The following BMP2K variants were observed in gnomAD, a reference collection of about 807,000 sequenced individuals.
The protein encoded by BMP2K is BMP2 inducible kinase.
Under a neutral mutation model 116.0 loss-of-function variants are expected in BMP2K, and 74 were observed. The ratio of observed to expected loss-of-function variants is 0.64; its 90% CI spans 0.53 to 0.77. BMP2K has a LOEUF of 0.77. Among genes scored for constraint, BMP2K ranks in the 30% least tolerant of loss-of-function variants. BMP2K has a pLI of 0.00. For synonymous variants in BMP2K, 486 were observed against 502.5 expected, an observed-to-expected ratio of 0.97 and a Z score of 0.44; for missense variants, 1,365 against 1,403.6, an observed-to-expected ratio of 0.97 and a Z score of 0.44.
chr4:78,805,633 T>G (rs2109962964), intron 1 of BMP2K, among the ~76,000 whole-genome samples: 1 of 152,300 alleles, frequency 6.6e-6, no homozygotes, highest in South Asian at 2.1e-4. Flanking sequence ...ATAGAAGTGT[T>G]TTCTTAATTT....
chr4:78,859,806 C>A, intron 8 of BMP2K, 119 bp downstream of exon 8: 1 of 672,432 alleles, frequency 1.5e-6, no homozygotes, highest in Non-Finnish European at 2.5e-6. Flanking sequence ...TTTCTTGTTT[C>A]ATGACAAGTG....
chr4:78,830,863 G>A (rs921475055), intron 2 of BMP2K, among the ~76,000 whole-genome samples: 11 of 152,180 alleles, frequency 7.2e-5, no homozygotes, highest in African/African-American at 2.7e-4. Flanking sequence ...TGTCTAGACC[G>A]TTAAAACTTT....
chr4:78,828,160 A>T (rs1729970464), intron 2 of BMP2K, among the ~76,000 whole-genome samples: 1 of 152,216 alleles, frequency 6.6e-6, no homozygotes, highest in South Asian at 2.1e-4. Flanking sequence ...AGACTTGCTG[A>T]GTCTTCCAGC....
chr4:78,776,875 T>C (rs75674233), intron 1 of BMP2K, among the ~76,000 whole-genome samples, 154 bp downstream of exon 1: 2,944 of 152,216 alleles, frequency 0.019, 93 homozygotes, highest in African/African-American at 0.067. Context: ...GGCTCGGGCT[T>C]TCTCTCTTAA....
chr4:78,835,479 G>A (rs1577911764), intron 3 of BMP2K, among the ~76,000 whole-genome samples: 1 of 151,542 alleles, frequency 6.6e-6, no homozygotes. Context: ...CAAAAAAAAA[G>A]TTAGCCGAGC....
intron 1 of BMP2K, among the ~76,000 whole-genome samples, chr4:78,783,403 A>G (rs1727597908): frequency 6.6e-6 from 1 of 152,252 alleles, no homozygotes. Context: ...CTCTAGAGGT[A>G]GTAGTTTTAT....
intron 1 of BMP2K, among the ~76,000 whole-genome samples, chr4:78,786,979 C>G (rs1288131357): frequency 6.6e-6 from 1 of 152,124 alleles, no homozygotes; most frequent in African/African-American, 2.4e-5. Context: ...GTTTTGAACT[C>G]CTGGCCTCAA....
rs968152913 is a variant in BMP2K, at chr4:78,813,049, GAA to G, written c.179-12978_179-12977del. The stretch of plus-strand genomic sequence containing the variant: ...ACAGAGTGAGACCTTTTCTCAAAAG[GAA>G]AAAAAAAAAGATATGCAGAAACACA... On this transcript the variant is annotated intron_variant, in intron 1 of 15. Transcript: ENST00000502613. Among the ~76,000 whole-genome samples the G allele has an allele frequency of 2.0e-4, 28 of 142,558 alleles. No individual in the cohort carries two copies. In the East Asian group the frequency reaches 5.6e-3, roughly 29 times the overall value. The allele number at this position is 142,558 out of a possible 152,430, so 93.5% of individuals were successfully genotyped here.
rs1450504006 is a variant in BMP2K at position 78,878,811 on chromosome 4, G to A, written c.1871G>A (p.Trp624Ter). 1 of 1,613,084 alleles carries A rather than the reference G, an allele frequency of 6.2e-7. No homozygotes were observed. The highest frequency in any genetic ancestry group is 8.5e-7 in the Non-Finnish European group (1 of 1,179,714). ...AGCAATCCACCTGATATGTCAGGGT[G>A]GAATCCTTTTGGAGAGGATAATTTC... ...NISNPPDMSG[W>*]NPFGEDNFSK... Residue 624 changes from tryptophan to a stop codon, truncating the protein, a stop_gained, in exon 14 of 16, where the codon TGG (tryptophan) becomes TAG (stop). Transcript: ENST00000502613. LOFTEE classifies it high-confidence loss of function.
chr4:78,889,902 AG>A (rs1484007704), intron 15 of BMP2K, among the ~76,000 whole-genome samples: 1 of 152,224 alleles, frequency 6.6e-6, no homozygotes, highest in Non-Finnish European at 1.5e-5. Context: ...GTAAGAACTT[AG>A]TTAAGTTTTA....
chr4:78,805,938 T>C (rs530942767), intron 1 of BMP2K, among the ~76,000 whole-genome samples: 89 of 152,268 alleles, frequency 5.8e-4, no homozygotes, highest in African/African-American at 2.1e-3. Flanking sequence ...ACCACCGCAC[T>C]CTAGCCTGGG....
intron 9 of BMP2K, among the ~76,000 whole-genome samples, chr4:78,862,678 T>C (rs1731852401): frequency 6.6e-6 from 1 of 152,126 alleles, no homozygotes; most frequent in African/African-American, 2.4e-5. Flanking sequence ...TGAGACTTGG[T>C]TGTGACTGTG....
chr4:78,859,668 G>T lies in BMP2K; in HGVS notation c.968G>T (p.Cys323Phe), dbSNP rs764903814. The T allele has an allele frequency of 6.2e-7, 1 of 1,601,648 alleles. No homozygotes were observed. Among genetic ancestry groups the T allele is most frequent in the Non-Finnish European group, 8.5e-7 (1 of 1,170,460 alleles). The change falls in exon 8 of 16, where the codon TGT becomes TTT. Residue 323 changes from cysteine to phenylalanine, a missense_variant. Cys to Phe is a radical substitution (Grantham distance 205). Transcript: ENST00000502613. ...YFAFKFAKKDCPVSNINNSSI... is the reference protein window; with the variant it reads ...YFAFKFAKKDFPVSNINNSSI... ...GCATTTAAATTTGCCAAAAAGGATT[G>T]TCCAGTCTCCAACATCAATGTAAGT...
intron 1 of BMP2K, among the ~76,000 whole-genome samples, chr4:78,784,633 T>C (rs1560497869): frequency 6.6e-6 from 1 of 152,232 alleles, no homozygotes; most frequent in Non-Finnish European, 1.5e-5. Flanking sequence ...TTTATCCTAG[T>C]CTTGTAGAAT....
chr4:78,865,419 G>C, intron 9 of BMP2K, 138 bp from the exon 10 acceptor site: 1 of 773,200 alleles, frequency 1.3e-6, no homozygotes, highest in Non-Finnish European at 2.1e-6. Context: ...TTGAAAATGA[G>C]CCTTAGGAGA....
At chr4:78,842,259 C>G in intron 3 of BMP2K, 126 bp from the exon 4 acceptor site, 4 of 698,232 alleles carry the variant, frequency 5.7e-6, no homozygotes, top group Non-Finnish European at 9.0e-6. Context: ...TAATAAGCAT[C>G]CTTACATGAG....
chr4:78,788,407 G>C (rs1727838425), intron 1 of BMP2K, among the ~76,000 whole-genome samples: 2 of 150,772 alleles, frequency 1.3e-5, no homozygotes, highest in African/African-American at 4.9e-5. Context: ...TACCTAATGG[G>C]CCTAAATTGA....
At chr4:78,786,148 GC>G (rs1307557029) in intron 1 of BMP2K, among the ~76,000 whole-genome samples, 1 of 152,072 alleles carries the variant, frequency 6.6e-6, no homozygotes, top group African/African-American at 2.4e-5. Context: ...AAATCCCAAC[GC>G]CCAAGGTGAT....
At position 78,910,609 on chromosome 4, in the gene BMP2K, G is replaced by C. The variant is rs1734535245; in HGVS notation, c.2063-1G>C. 6.6e-7 allele frequency: 1 copy of C among 1,524,416 alleles called. No homozygotes were observed. The allele number at this position is 1,524,416 out of a possible 1,614,324, so 94.4% of individuals were successfully genotyped here. ...GTAATAATATTTATTTGAACTTGCA[G>C]GTTCTCCTGAAAAGAAAGCTGAACA... On this transcript the variant is annotated splice_acceptor_variant, in intron 15 of 15. Coordinates refer to ENST00000502613, the MANE Select transcript of BMP2K (RefSeq NM_198892.2). LOFTEE classifies it high-confidence loss of function.
Sources: gnomAD v4.1 joint callset for allele counts (sites outside exome capture counted in the v4.1 genomes callset) on GRCh38, gnomAD v4.1.1 for gene constraint, MANE v1.5 for transcripts, NCBI Gene and HGNC (gene_info 2026-07-23, HGNC 2026-07-21) for gene names.